Variants in TTC33 observed in about 807,000 individuals in gnomAD.
TTC33 encodes the protein tetratricopeptide repeat protein 33.
Under a neutral mutation model 29.4 loss-of-function variants are expected in TTC33, and 24 were observed. The observed-to-expected ratio is 0.82, with a 90% CI of 0.59 to 1.15. TTC33 has a LOEUF of 1.15. Among genes scored for constraint, TTC33 ranks in the 50% most tolerant of loss-of-function variants. The probability of loss-of-function intolerance (pLI) is 0.00; values close to 1 mark genes in which losing one functional copy is unlikely to be tolerated. For missense variants in TTC33, 286 were observed against 310.4 expected (o/e 0.92, Z 0.59); for synonymous variants, 107 against 100.3 (o/e 1.07, Z -0.40).
chr5:40,722,970 G>A (rs1742183537), intron 4 of TTC33, among the ~76,000 whole-genome samples: 1 of 152,208 alleles, frequency 6.6e-6, no homozygotes, highest in Admixed American at 6.5e-5. Context: ...GGGCCATGAT[G>A]ACGATGGCGG....
At position 40,753,628 on chromosome 5, in the gene TTC33, G is replaced by C. The variant is rs939935369; in HGVS notation, c.-2+2196C>G. On this transcript the variant is annotated intron_variant, in intron 1 of 4. Coordinates refer to ENST00000337702, the MANE Select transcript of TTC33 (RefSeq NM_012382.3). ...ACAGAAGTGTGGATACTATGGAACA[G>C]AAGTTAAAAGGCACACAGTGAGGAC... Among the ~76,000 whole-genome samples the C allele has an allele frequency of 5.3e-5, 8 of 152,320 alleles. No homozygotes were observed. In the East Asian group the frequency reaches 1.5e-3, roughly 29 times the overall value.
In TTC33 at chr5:40,713,218, CAGA is replaced by C. The variant is rs1007476147; in HGVS notation, c.*2924_*2926del. Among the ~76,000 whole-genome samples the C allele has an allele frequency of 2.0e-5, 3 of 152,014 alleles. No individual in the cohort carries two copies. Among genetic ancestry groups the C allele is most frequent in the African/African-American group, 7.2e-5 (3 of 41,410 alleles). ...ATACATGTATCATGAAATCATAGCT[CAGA>C]ATTGCTGGTCCAGAGTCACTTTAGA... On this transcript the variant is annotated 3_prime_UTR_variant, in exon 5 of 5. Transcript: ENST00000337702.
intron 2 of TTC33, among the ~76,000 whole-genome samples, chr5:40,730,954 C>T (rs1742413055): frequency 6.6e-6 from 1 of 151,906 alleles, no homozygotes; most frequent in Non-Finnish European, 1.5e-5. Context: ...TACTGTGGTG[C>T]CATCATCTAC....
In TTC33 at chr5:40,746,976, A is replaced by G; in HGVS notation, c.43T>C (p.Ser15Pro). 1 of 1,614,120 alleles carries G rather than the reference A, an allele frequency of 6.2e-7. No individual in the cohort carries two copies. The highest frequency in any genetic ancestry group is 8.5e-7 in the Non-Finnish European group (1 of 1,180,018). The change falls in exon 2 of 5, where the codon TCA (serine) becomes CCA (proline). Residue 15 changes from serine to proline, a missense_variant. Coordinates refer to ENST00000337702, the MANE Select transcript of TTC33 (RefSeq NM_012382.3). Reference sequence around the variant, plus strand: ...TCAAACTGCTGGGAAGTGACCTTTGAGACCTTCTCACCAATTTTCCTCTTC... The same window carrying G: ...TCAAACTGCTGGGAAGTGACCTTTGGGACCTTCTCACCAATTTTCCTCTTC... ...GWKRKIGEKV[S>P]KVTSQQFEAE...
Position 40,716,106 on chromosome 5 carries a change from A to G in TTC33, c.*39T>C. On this transcript the variant is annotated 3_prime_UTR_variant, in exon 5 of 5. Coordinates refer to ENST00000337702, the MANE Select transcript of TTC33 (RefSeq NM_012382.3). ...CTCTATGTCAAAACTTCAAGAGGCA[A>G]TCAAAAAGACAGATTCAAATAATCC... 6.7e-7 allele frequency: 1 copy of G among 1,496,480 alleles called. No homozygotes were observed. The highest frequency in any genetic ancestry group is 9.0e-7 in the Non-Finnish European group (1 of 1,113,690). 92.7% of individuals were successfully genotyped at this position (1,496,480 alleles called of 1,614,324 possible). A position where few individuals can be genotyped will look rare whatever the true frequency, so the allele number is the denominator to read the frequency against.
At position 40,714,276 on chromosome 5, in the gene TTC33, T is replaced by C. The variant is rs1741955788; in HGVS notation, c.*1869A>G. On this transcript the variant is annotated 3_prime_UTR_variant, in exon 5 of 5. Transcript: ENST00000337702. ...TCTCCTTTTTTAAAATCAGAGGAAA[T>C]TGAGGTTAAATATCTCCAAACTAAC... 6.6e-6 allele frequency among the ~76,000 whole-genome samples: 1 copy of C among 152,164 alleles called. No individual in the cohort carries two copies. Among genetic ancestry groups the C allele is most frequent in the Admixed American group, 6.6e-5 (1 of 15,258 alleles).
chr5:40,745,413 T>C (rs951587345), intron 2 of TTC33, among the ~76,000 whole-genome samples: 1 of 152,088 alleles, frequency 6.6e-6, no homozygotes, highest in African/African-American at 2.4e-5. Flanking sequence ...CCTGTAAATA[T>C]GCAATTATGT....
At chr5:40,731,380 A>G (rs201610886) in intron 2 of TTC33, among the ~76,000 whole-genome samples, 1 of 142,940 alleles carries the variant, frequency 7.0e-6, no homozygotes, top group African/African-American at 2.6e-5. Flanking sequence ...ACACACACAC[A>G]TCTGTATTAG....
In TTC33 at chr5:40,711,684, C is replaced by G. The variant is rs1416562633; in HGVS notation, c.*4461G>C. On this transcript the variant is annotated 3_prime_UTR_variant, in exon 5 of 5. Coordinates refer to ENST00000337702, the MANE Select transcript of TTC33 (RefSeq NM_012382.3). ...AAACAAATTGTGGTATATCTATATA[C>G]TAGAATACTATTCAGCAATAAAAAG... 6.6e-6 allele frequency among the ~76,000 whole-genome samples: 1 copy of G among 151,946 alleles called. No homozygotes were observed. Among genetic ancestry groups the G allele is most frequent in the Non-Finnish European group, 1.5e-5 (1 of 67,982 alleles).
At chr5:40,740,718 T>C (rs1742674824) in intron 2 of TTC33, among the ~76,000 whole-genome samples, 1 of 152,020 alleles carries the variant, frequency 6.6e-6, no homozygotes, top group Non-Finnish European at 1.5e-5. Flanking sequence ...CATCCAACCT[T>C]CCCTCCCTCT....
At chr5:40,725,557 G>A (rs1742260706) in intron 4 of TTC33, among the ~76,000 whole-genome samples, 1 of 152,120 alleles carries the variant, frequency 6.6e-6, no homozygotes, top group Non-Finnish European at 1.5e-5. Flanking sequence ...ATTACACAGA[G>A]CCCGAAGAAG....
At chr5:40,719,430 C>T (rs1056893173) in intron 4 of TTC33, among the ~76,000 whole-genome samples, 4 of 152,162 alleles carry the variant, frequency 2.6e-5, no homozygotes, top group Admixed American at 1.3e-4. Flanking sequence ...GGATATACCA[C>T]ATTTTGTTTA....
chr5:40,753,374 A>AAGAC (rs1173773654), intron 1 of TTC33, among the ~76,000 whole-genome samples: 3 of 151,100 alleles, frequency 2.0e-5, no homozygotes, highest in Non-Finnish European at 4.4e-5. Context: ...CAAAAAAAAA[A>AAGAC]AGAAAGAAAG....
At chr5:40,754,749 A>T (rs760463166) in intron 1 of TTC33, among the ~76,000 whole-genome samples, 1 of 152,234 alleles carries the variant, frequency 6.6e-6, no homozygotes, top group Non-Finnish European at 1.5e-5. Flanking sequence ...TTTCTGGAGG[A>T]CTTAAGCTTT....
intron 4 of TTC33, among the ~76,000 whole-genome samples, chr5:40,726,614 CAGA>C (rs1742294252): frequency 1.1e-4 from 1 of 9,218 alleles, no homozygotes; most frequent in South Asian, 0.029. Flanking sequence ...GCCATATCAA[CAGA>C]AAAAAAAAAA....
chr5:40,747,158 A>G, intron 1 of TTC33, 139 bp from the exon 2 acceptor site: 1 of 698,542 alleles, frequency 1.4e-6, no homozygotes, highest in Non-Finnish European at 2.4e-6. Flanking sequence ...TCCCGGGTTA[A>G]GTGATTCTCC....
At chr5:40,723,051 A>T (rs1344991611) in intron 4 of TTC33, among the ~76,000 whole-genome samples, 1 of 152,202 alleles carries the variant, frequency 6.6e-6, no homozygotes, top group Non-Finnish European at 1.5e-5. Flanking sequence ...CTGGGTAGAA[A>T]GAAGTAGACA....
chr5:40,722,931 G>A (rs1742182306), intron 4 of TTC33, among the ~76,000 whole-genome samples: 1 of 152,150 alleles, frequency 6.6e-6, no homozygotes, highest in Non-Finnish European at 1.5e-5. Context: ...ACCCCATCTG[G>A]GAGGTGTACC....
rs1187917475 is a variant in TTC33 at position 40,716,397 on chromosome 5, C to T, written c.537G>A (p.Lys179=). 10 of 1,613,946 alleles carry T rather than the reference C, an allele frequency of 6.2e-6. No homozygotes were observed. The highest frequency in any genetic ancestry group is 8.5e-6 in the Non-Finnish European group (10 of 1,180,020). The change falls in exon 5 of 5, where the codon AAG becomes AAA. Residue 179 remains lysine, a synonymous_variant. Coordinates refer to ENST00000337702, the MANE Select transcript of TTC33 (RefSeq NM_012382.3). ...SWARTLQEQQ[K]VAQRIKKSEA... ...CACTTTTTTTAATCCTCTGTGCTAC[C>T]TTCTGCTGCTCCTGGAGCGTTCTTG...
Sources: gnomAD v4.1 joint callset for allele counts (sites outside exome capture counted in the v4.1 genomes callset) on GRCh38, gnomAD v4.1.1 for gene constraint, MANE v1.5 for transcripts, NCBI Gene and HGNC (gene_info 2026-07-23, HGNC 2026-07-21) for gene names.